Variants in CAPN7 observed in about 807,000 individuals in gnomAD.
CAPN7 encodes the protein calpain-7.
In CAPN7, 72 loss-of-function variants were observed where a neutral mutation model predicts 115.2. The observed-to-expected ratio is 0.63, with a 90% CI of 0.52 to 0.76. The LOEUF (loss-of-function observed/expected upper bound fraction) is 0.76. Among genes scored for constraint, CAPN7 ranks in the 30% least tolerant of loss-of-function variants. CAPN7 has a pLI of 0.00. For missense variants in CAPN7, 905 were observed against 971.5 expected (o/e 0.93, Z 0.91); for synonymous variants, 344 against 322.3 (o/e 1.07, Z -0.72).
intron 12 of CAPN7, among the ~76,000 whole-genome samples, chr3:15,238,849 ATTTTT>A (rs59838740): frequency 8.8e-6 from 1 of 114,012 alleles, no homozygotes; most frequent in Non-Finnish European, 1.7e-5. Flanking sequence ...GCAAAATCAA[ATTTTT>A]TTTTTTTTTT....
Position 15,245,620 on chromosome 3 carries a change from A to G in CAPN7, c.1959A>G (p.Thr653=), listed in dbSNP as rs771374449. ...CCACACCTGGCACCCATACCTTTAC[A>G]TTAGTGGTTTCTCAATATGAAAAAC... ...KLTTPGTHTF[T]LVVSQYEKQN... is the part of the protein sequence containing the mutation. The change falls in exon 17 of 21, where the codon ACA becomes ACG. Residue 653 remains threonine (T), a synonymous_variant. Coordinates refer to ENST00000253693, the MANE Select transcript of CAPN7 (RefSeq NM_014296.3). 32 of 1,613,890 alleles carry G rather than the reference A, an allele frequency of 2.0e-5. No individual in the cohort carries two copies. Among genetic ancestry groups the G allele is most frequent in the Non-Finnish European group, 2.4e-5 (28 of 1,179,952 alleles).
intron 16 of CAPN7, 32 bp from the exon 17 acceptor site, chr3:15,245,494 C>T: frequency 6.3e-7 from 1 of 1,581,122 alleles, no homozygotes; most frequent in East Asian, 2.3e-5. Context: ...AGAAAAGTCT[C>T]CTTTTCTCTA....
In CAPN7 at chr3:15,210,596, C is replaced by CTTTTTTTTTTTTTTTTTTTTTTTT. The variant is rs371169868; in HGVS notation, c.103-1491_103-1490insTTTTTTTTTTTTTTTTTTTTTTTT. Reference sequence around the variant, plus strand: ...TTTTCATTCCTTCCTTGCTTCCTTCCTTTTTTTTTTTTTTTTTGGACAGTA... The same window carrying CTTTTTTTTTTTTTTTTTTTTTTTT: ...TTTTCATTCCTTCCTTGCTTCCTTCCTTTTTTTTTTTTTTTTTTTTTTTTTTTTTTTTTTTTTTTTTGGACAGTA... On this transcript the variant is annotated intron_variant, in intron 1 of 20. Coordinates refer to ENST00000253693, the MANE Select transcript of CAPN7 (RefSeq NM_014296.3). Among the ~76,000 whole-genome samples the CTTTTTTTTTTTTTTTTTTTTTTTT allele has an allele frequency of 2.9e-5, 3 of 104,490 alleles. 1 individual carries two copies. Among genetic ancestry groups the CTTTTTTTTTTTTTTTTTTTTTTTT allele is most frequent in the African/African-American group, 1.8e-4 (3 of 16,480 alleles). The allele number at this position is 104,490 out of a possible 152,430, so 68.5% of individuals were successfully genotyped here. A position where few individuals can be genotyped will look rare whatever the true frequency, so the allele number is the denominator to read the frequency against.
intron 7 of CAPN7, 96 bp from the exon 8 acceptor site, chr3:15,228,878 G>A: frequency 1.2e-5 from 10 of 859,458 alleles, no homozygotes; most frequent in Non-Finnish European, 1.9e-5. Flanking sequence ...AAGATATTTA[G>A]TATAAAAAGT....
intron 19 of CAPN7, 24 bp from the exon 20 acceptor site, chr3:15,250,907 A>C: frequency 6.9e-7 from 1 of 1,442,536 alleles, no homozygotes; most frequent in South Asian, 1.2e-5. Flanking sequence ...TTAATACAGT[A>C]ATTCTGTTCA....
At chr3:15,213,490 C>G (rs992467915) in intron 2 of CAPN7, among the ~76,000 whole-genome samples, 2 of 152,164 alleles carry the variant, frequency 1.3e-5, no homozygotes, top group African/African-American at 4.8e-5. Context: ...AATGTTAAAG[C>G]AGAATGCTCT....
At position 15,234,091 on chromosome 3, in the gene CAPN7, A is replaced by C. The variant is rs1378420818; in HGVS notation, c.1286+118A>C. 14 of 552,096 alleles carry C rather than the reference A, an allele frequency of 2.5e-5. No homozygotes were observed. The East Asian group carries it at 4.5e-4, about 18-fold the overall frequency. 34.2% of individuals were successfully genotyped at this position (552,096 alleles called of 1,614,324 possible). A position where few individuals can be genotyped will look rare whatever the true frequency, so the allele number is the denominator to read the frequency against. ...AGCACTATGGGAGGCCAAGGCAGGC[A>C]GATGACCTGAGTTTGGGAGTTGGAG... On this transcript the variant is annotated intron_variant, in intron 11 of 20. Transcript: ENST00000253693.
chr3:15,234,926 C>A lies in CAPN7; in HGVS notation c.1287-99C>A, dbSNP rs2124972199. 7 of 1,009,996 alleles carry A rather than the reference C, an allele frequency of 6.9e-6. No homozygotes were observed. The South Asian group carries it at 1.1e-4, about 16-fold the overall frequency. The allele number at this position is 1,009,996 out of a possible 1,614,324, so 62.6% of individuals were successfully genotyped here. ...AAAATTCTTCAGGGGTAGGAACAGC[C>A]CATTTTCATGTAAGCCATTAGACTA... On this transcript the variant is annotated intron_variant, in intron 11 of 20. Transcript: ENST00000253693.
chr3:15,237,910 A>G (rs1336449618), intron 12 of CAPN7, among the ~76,000 whole-genome samples: 2 of 152,032 alleles, frequency 1.3e-5, no homozygotes, highest in Non-Finnish European at 2.9e-5. Flanking sequence ...CCAATGTTGC[A>G]GTGAGCTGAG....
At chr3:15,225,527 A>G (rs1159780055) in intron 6 of CAPN7, among the ~76,000 whole-genome samples, 1 of 152,260 alleles carries the variant, frequency 6.6e-6, no homozygotes, top group African/African-American at 2.4e-5. Context: ...TTTTCAAGGA[A>G]TGTAATAACA....
At chr3:15,249,017 A>C (rs1575257696) in intron 19 of CAPN7, among the ~76,000 whole-genome samples, 1 of 150,334 alleles carries the variant, frequency 6.7e-6, no homozygotes, top group East Asian at 2.0e-4. Context: ...AAAAAAAAAA[A>C]AAAAAAACAA....
chr3:15,213,384 A>G (rs2045061130), intron 2 of CAPN7, among the ~76,000 whole-genome samples: 1 of 152,224 alleles, frequency 6.6e-6, no homozygotes, highest in Admixed American at 6.5e-5. Context: ...GATGAGTGAC[A>G]GTCCATGTCC....
chr3:15,218,463 T>A lies in CAPN7; in HGVS notation c.370-10T>A. 6.3e-7 allele frequency: 1 copy of A among 1,599,418 alleles called. No individual in the cohort carries two copies. Among genetic ancestry groups the A allele is most frequent in the Non-Finnish European group, 8.6e-7 (1 of 1,169,062 alleles). On this transcript the variant is annotated splice_polypyrimidine_tract_variant and intron_variant, in intron 3 of 20. Coordinates refer to ENST00000253693, the MANE Select transcript of CAPN7 (RefSeq NM_014296.3). Reference sequence around the variant, plus strand: ...TGCTTTAAAATGTCTGTCTCTTTCTTTCTCTTAAGTCTTATGAAACTGCTG... The same window carrying A: ...TGCTTTAAAATGTCTGTCTCTTTCTATCTCTTAAGTCTTATGAAACTGCTG...
At chr3:15,236,143 C>T (rs1472533947) in intron 12 of CAPN7, among the ~76,000 whole-genome samples, 1 of 152,116 alleles carries the variant, frequency 6.6e-6, no homozygotes, top group Non-Finnish European at 1.5e-5. Context: ...TGTGCTTCAG[C>T]CTGAGTGATA....
intron 9 of CAPN7, among the ~76,000 whole-genome samples, chr3:15,231,053 T>A (rs950220448): frequency 6.6e-6 from 1 of 152,218 alleles, no homozygotes; most frequent in South Asian, 2.1e-4. Flanking sequence ...TTGAGATCCA[T>A]GCAGCAACAT....
intron 12 of CAPN7, among the ~76,000 whole-genome samples, chr3:15,238,332 T>TA (rs2124984846): frequency 6.6e-6 from 1 of 152,018 alleles, no homozygotes; most frequent in South Asian, 2.1e-4. Context: ...GCCAGGATGG[T>TA]CTCGATCTCC....
intron 10 of CAPN7, among the ~76,000 whole-genome samples, chr3:15,233,128 C>T (rs1022661404): frequency 6.6e-6 from 1 of 152,154 alleles, no homozygotes; most frequent in African/African-American, 2.4e-5. Context: ...TTACAATAAC[C>T]AGCCTGTGGC....
chr3:15,234,304 A>G (rs1209631522), intron 11 of CAPN7, among the ~76,000 whole-genome samples: 1 of 152,244 alleles, frequency 6.6e-6, no homozygotes, highest in Non-Finnish European at 1.5e-5. Context: ...CAACAAGAGC[A>G]AAACTCCATC....
At chr3:15,208,136 C>T (rs930258396) in intron 1 of CAPN7, among the ~76,000 whole-genome samples, 5 of 151,284 alleles carry the variant, frequency 3.3e-5, no homozygotes, top group African/African-American at 1.2e-4. Flanking sequence ...ATCATATATT[C>T]AGTCTGTTGT....
Sources: allele counts gnomAD v4.1 joint callset (sites outside exome capture counted in the v4.1 genomes callset), GRCh38; gene constraint gnomAD v4.1.1; transcripts MANE v1.5; gene names NCBI Gene and HGNC (gene_info 2026-07-23, HGNC 2026-07-21).